Variants in AGPAT5 observed in about 807,000 individuals in gnomAD.
The protein encoded by AGPAT5 is 1-acylglycerol-3-phosphate O-acyltransferase 5.
AGPAT5 carries 46 observed loss-of-function variants against 45.6 expected under a neutral mutation model. The ratio of observed to expected loss-of-function variants is 1.01; its 90% CI spans 0.80 to 1.29. The LOEUF (loss-of-function observed/expected upper bound fraction) is 1.29, where lower values mean the gene tolerates loss of function less well. Ranked by LOEUF, AGPAT5 falls within the 50% of genes most tolerant of loss-of-function variation. The pLI is 0.00. For synonymous variants in AGPAT5, 272 were observed against 167.0 expected, an observed-to-expected ratio of 1.63 and a Z score of -4.85; for missense variants, 673 against 450.7, an observed-to-expected ratio of 1.49 and a Z score of -4.47.
At chr8:6,721,814 A>G (rs981906281) in intron 1 of AGPAT5, among the ~76,000 whole-genome samples, 2 of 152,104 alleles carry the variant, frequency 1.3e-5, no homozygotes, top group Non-Finnish European at 2.9e-5. Flanking sequence ...TGACGTTAGT[A>G]TTTTTACATG....
chr8:6,745,888 A>G (rs766690393), intron 5 of AGPAT5: 3 of 151,944 alleles, frequency 2.0e-5, no homozygotes, highest in Non-Finnish European at 4.4e-5. Flanking sequence ...AACTACTTCT[A>G]GAATGTTTTG....
At chr8:6,719,937 C>T (rs1800447948) in intron 1 of AGPAT5, among the ~76,000 whole-genome samples, 1 of 152,146 alleles carries the variant, frequency 6.6e-6, no homozygotes, top group African/African-American at 2.4e-5. Flanking sequence ...CCTTTGACCT[C>T]AGTGACTCTC....
intron 5 of AGPAT5, among the ~76,000 whole-genome samples, chr8:6,742,072 A>G (rs1801260773): frequency 6.6e-6 from 1 of 152,214 alleles, no homozygotes; most frequent in Non-Finnish European, 1.5e-5. Context: ...GTTATATGTA[A>G]TGGAGCTTCT....
At chr8:6,748,306 A>G (rs142968344) in intron 6 of AGPAT5, among the ~76,000 whole-genome samples, 23 of 152,278 alleles carry the variant, frequency 1.5e-4, no homozygotes, top group African/African-American at 5.1e-4. Context: ...AGCTATTGTC[A>G]GATATAACCA....
In AGPAT5 at chr8:6,747,871, A is replaced by C. The variant is rs549006543; in HGVS notation, c.745+43A>C. 3 of 1,576,374 alleles carry C rather than the reference A, an allele frequency of 1.9e-6. No individual in the cohort carries two copies. In the East Asian group the frequency reaches 6.8e-5, roughly 36 times the overall value. On this transcript the variant is annotated intron_variant, in intron 6 of 7. Coordinates refer to ENST00000285518, the MANE Select transcript of AGPAT5 (RefSeq NM_018361.5). ...CCTGAAATGCCTGTACACGGTATAT[A>C]CAGTGCACATGTTTATGTAGAATTC...
At chr8:6,712,251 G>T (rs1490729244) in intron 1 of AGPAT5, among the ~76,000 whole-genome samples, 1 of 152,014 alleles carries the variant, frequency 6.6e-6, no homozygotes, top group Non-Finnish European at 1.5e-5. Context: ...TATCCCTTAA[G>T]TAGAACATTT....
chr8:6,725,104 C>G (rs1800641333), intron 2 of AGPAT5, among the ~76,000 whole-genome samples, 165 bp downstream of exon 2: 1 of 152,136 alleles, frequency 6.6e-6, no homozygotes, highest in Admixed American at 6.5e-5. Context: ...TTTGGAAAGT[C>G]AGAAACTTGA....
intron 4 of AGPAT5, among the ~76,000 whole-genome samples, chr8:6,737,929 C>T (rs926185022): frequency 6.6e-6 from 1 of 152,174 alleles, no homozygotes; most frequent in African/African-American, 2.4e-5. Flanking sequence ...CCTCTCTCAG[C>T]CTTCAGAGAA....
intron 6 of AGPAT5, among the ~76,000 whole-genome samples, chr8:6,749,158 A>T (rs1378562264): frequency 6.6e-6 from 1 of 152,154 alleles, no homozygotes; most frequent in African/African-American, 2.4e-5. Flanking sequence ...ATAGTTGTCA[A>T]ATGATTAGTC....
intron 4 of AGPAT5, among the ~76,000 whole-genome samples, chr8:6,739,753 C>G (rs1801179343): frequency 6.6e-6 from 1 of 151,794 alleles, no homozygotes; most frequent in African/African-American, 2.4e-5. Context: ...ATTTCTTTTT[C>G]TTGCTAAATT....
intron 4 of AGPAT5, chr8:6,738,541 G>C (rs1423286366): frequency 6.6e-6 from 1 of 152,146 alleles, no homozygotes; most frequent in Non-Finnish European, 1.5e-5. Context: ...ATATGACACA[G>C]AGACGTGAGG....
At chr8:6,743,401 G>C (rs1483403636) in intron 5 of AGPAT5, among the ~76,000 whole-genome samples, 1 of 152,158 alleles carries the variant, frequency 6.6e-6, no homozygotes. Context: ...GGCCCAAAAG[G>C]ATGTCTCAAA....
At chr8:6,749,244 C>T (rs1234828841) in intron 6 of AGPAT5, among the ~76,000 whole-genome samples, 1 of 152,102 alleles carries the variant, frequency 6.6e-6, no homozygotes, top group African/African-American at 2.4e-5. Flanking sequence ...GAGCAGCTGT[C>T]TACTGCAGAA....
chr8:6,722,407 A>T (rs73661462), intron 1 of AGPAT5, among the ~76,000 whole-genome samples: 3,389 of 152,266 alleles, frequency 0.022, 123 homozygotes, highest in African/African-American at 0.077. Context: ...AGTTTTTTTT[A>T]AAAAATCATG....
At chr8:6,729,954 C>G (rs987128046) in intron 2 of AGPAT5, among the ~76,000 whole-genome samples, 4 of 152,172 alleles carry the variant, frequency 2.6e-5, no homozygotes, top group Non-Finnish European at 2.9e-5. Flanking sequence ...GCTGTCCTAA[C>G]CTAGTACCGA....
chr8:6,737,153 A>T (rs1801080964), intron 4 of AGPAT5, among the ~76,000 whole-genome samples: 1 of 152,212 alleles, frequency 6.6e-6, no homozygotes, highest in Non-Finnish European at 1.5e-5. Context: ...CAGTGTGGAT[A>T]ACAGACTGGC....
intron 1 of AGPAT5, among the ~76,000 whole-genome samples, chr8:6,712,004 T>C (rs1474134149): frequency 6.6e-6 from 1 of 152,240 alleles, no homozygotes; most frequent in African/African-American, 2.4e-5. Context: ...GGGCTTAGGA[T>C]GTGGACACAT....
At chr8:6,711,541 A>G (rs1032252099) in intron 1 of AGPAT5, among the ~76,000 whole-genome samples, 6 of 152,214 alleles carry the variant, frequency 3.9e-5, no homozygotes, top group African/African-American at 1.2e-4. Flanking sequence ...AGACTATTGA[A>G]AATCCAGTTA....
intron 1 of AGPAT5, among the ~76,000 whole-genome samples, chr8:6,722,359 C>A (rs571369810): frequency 1.3e-5 from 2 of 152,294 alleles, no homozygotes; most frequent in African/African-American, 4.8e-5. Context: ...ATTCTCTGAT[C>A]TCTTTCAACA....
Sources: gnomAD v4.1 joint callset for allele counts (sites outside exome capture counted in the v4.1 genomes callset) on GRCh38, gnomAD v4.1.1 for gene constraint, MANE v1.5 for transcripts, NCBI Gene and HGNC (gene_info 2026-07-23, HGNC 2026-07-21) for gene names.